The following DUSP5 variants were observed in gnomAD, a reference collection of about 807,000 sequenced individuals.
DUSP5 encodes the protein dual specificity phosphatase 5, also known as dual specificity protein phosphatase 5.
In DUSP5, 22 loss-of-function variants were observed where a neutral mutation model predicts 33.6. That is an observed-to-expected ratio of 0.66 (90% CI 0.47 to 0.94). The LOEUF (loss-of-function observed/expected upper bound fraction) is 0.94, where lower values mean the gene tolerates loss of function less well. DUSP5 is among the 40% of genes least tolerant of loss of function. DUSP5 has a pLI of 0.00. For synonymous variants in DUSP5, 270 were observed against 231.1 expected (o/e 1.17, Z -1.53); for missense variants, 551 against 522.1 (o/e 1.06, Z -0.54).
chr10:110,509,739 T>C (rs1340183934), intron 3 of DUSP5, among the ~76,000 whole-genome samples: 1 of 152,196 alleles, frequency 6.6e-6, no homozygotes, highest in Non-Finnish European at 1.5e-5. Context: ...AATCTGCAAG[T>C]ATCTTGGGAA....
chr10:110,506,815 T>C (rs1590518367), intron 2 of DUSP5, 120 bp from the exon 3 acceptor site: 1 of 1,125,318 alleles, frequency 8.9e-7, no homozygotes, highest in East Asian at 2.4e-5. Flanking sequence ...TGAACTCCAC[T>C]TGGAAACCAG....
intron 1 of DUSP5, among the ~76,000 whole-genome samples, chr10:110,502,336 T>C (rs987100668): frequency 6.6e-6 from 1 of 152,222 alleles, no homozygotes; most frequent in Non-Finnish European, 1.5e-5. Context: ...GCCTGTCTTC[T>C]CGCCAATTAA....
In DUSP5 at chr10:110,510,586, C is replaced by T. The variant is rs1296893537; in HGVS notation, c.*160C>T. ...ACCAGGCTTGCAAATGAACTTCAGA[C>T]GGACCTCAGGGTAGGTTCTCGGGAC... On this transcript the variant is annotated 3_prime_UTR_variant, in exon 4 of 4. Coordinates refer to ENST00000369583, the MANE Select transcript of DUSP5 (RefSeq NM_004419.4). 3.8e-6 allele frequency: 4 copies of T among 1,057,754 alleles called. No homozygotes were observed. Among genetic ancestry groups the T allele is most frequent in the Non-Finnish European group, 5.3e-6 (4 of 759,402 alleles). The allele number at this position is 1,057,754 out of a possible 1,614,324, so 65.5% of individuals were successfully genotyped here. A position where few individuals can be genotyped will look rare whatever the true frequency, so the allele number is the denominator to read the frequency against.
intron 1 of DUSP5, among the ~76,000 whole-genome samples, chr10:110,499,219 G>T (rs1369992259): frequency 6.6e-6 from 1 of 152,124 alleles, no homozygotes; most frequent in African/African-American, 2.4e-5. Flanking sequence ...GTGGTATGGA[G>T]ATTCTGCGGC....
intron 1 of DUSP5, among the ~76,000 whole-genome samples, chr10:110,499,660 C>T (rs1860016314): frequency 6.6e-6 from 1 of 152,200 alleles, no homozygotes; most frequent in Non-Finnish European, 1.5e-5. Context: ...TGACTGGTCC[C>T]CTGTTGATTT....
chr10:110,502,740 C>T lies in DUSP5; in HGVS notation c.399C>T (p.Tyr133=), dbSNP rs776643736. The part of the protein sequence containing the change: ...YFLKGGYETF[Y]SEYPECCVDV... ...TTGTAGGGGGATATGAGACTTTCTA[C>T]TCGGAATATCCTGAGTGTTGCGTGG... is the stretch of plus-strand genomic sequence containing the variant. The change falls in exon 2 of 4, where the codon TAC becomes TAT. Residue 133 remains tyrosine, a synonymous_variant. Coordinates refer to ENST00000369583, the MANE Select transcript of DUSP5 (RefSeq NM_004419.4). The T allele has an allele frequency of 6.2e-7, 1 of 1,613,940 alleles. No homozygotes were observed. Among genetic ancestry groups the T allele is most frequent in the South Asian group, 1.1e-5 (1 of 91,052 alleles).
rs971471118 is a variant in DUSP5, at chr10:110,498,406, C to G, written c.285C>G (p.His95Gln). ...TGGTGCTGGACCAGGGCAGCCGCCA[C>G]TGGCAGAAGCTGCGAGAGGAGAGCG... ...AVVVLDQGSR[H>Q]WQKLREESAA... The change falls in exon 1 of 4, where the codon CAC becomes CAG. Residue 95 changes from histidine to glutamine, a missense_variant. By Grantham distance (24) the His-to-Gln change is conservative (BLOSUM62 0). Around this residue, in one of 3 missense-constraint regions of DUSP5, gnomAD observed 381 missense variants for 310.4 expected, o/e 1.23. Coordinates refer to ENST00000369583, the MANE Select transcript of DUSP5 (RefSeq NM_004419.4). The G allele has an allele frequency of 1.3e-6, 2 of 1,520,034 alleles. No homozygotes were observed. Among genetic ancestry groups the G allele is most frequent in the Admixed American group, 4.0e-5 (2 of 50,012 alleles). 94.2% of individuals were successfully genotyped at this position (1,520,034 alleles called of 1,614,324 possible). A position where few individuals can be genotyped will look rare whatever the true frequency, so the allele number is the denominator to read the frequency against.
At chr10:110,507,177 A>G (rs1251730533) in intron 3 of DUSP5, 23 bp downstream of exon 3, 2 of 1,604,476 alleles carry the variant, frequency 1.2e-6, no homozygotes, top group East Asian at 2.2e-5. Context: ...ATTCCCCTTC[A>G]GTTATTTTGG....
In DUSP5 at chr10:110,498,346, C is replaced by G. The variant is rs935640143; in HGVS notation, c.225C>G (p.Leu75=). 7.4e-7 allele frequency: 1 copy of G among 1,351,848 alleles called. No homozygotes were observed. The highest frequency in any genetic ancestry group is 9.5e-7 in the Non-Finnish European group (1 of 1,054,422). 83.7% of individuals were successfully genotyped at this position (1,351,848 alleles called of 1,614,324 possible). A position where few individuals can be genotyped will look rare whatever the true frequency, so the allele number is the denominator to read the frequency against. The part of the protein sequence containing the change: ...VLPDEAARAR[L]LQEGGGGVAA... ...CCGACGAGGCGGCGCGCGCGCGGCT[C>G]CTGCAGGAGGGCGGCGGCGGCGTCG... Residue 75 remains leucine, a synonymous_variant, in exon 1 of 4, where the codon CTC becomes CTG. Transcript: ENST00000369583.
intron 1 of DUSP5, among the ~76,000 whole-genome samples, chr10:110,502,251 T>A (rs1012333550): frequency 2.0e-5 from 3 of 152,184 alleles, no homozygotes; most frequent in Non-Finnish European, 2.9e-5. Context: ...CAGCCCCCAT[T>A]TCCTTATAAA....
intron 2 of DUSP5, among the ~76,000 whole-genome samples, chr10:110,504,090 A>G (rs1315106396): frequency 6.6e-6 from 1 of 152,206 alleles, no homozygotes; most frequent in Admixed American, 6.5e-5. Context: ...GTGGCTTTCA[A>G]GCTGTGGACA....
Position 110,498,272 on chromosome 10 carries a change from G to C in DUSP5, c.151G>C (p.Val51Leu). Residue 51 changes from valine (V) to leucine (L), a missense_variant, in exon 1 of 4, where the codon GTG (valine) becomes CTG (leucine). Physicochemically the swap from Val to Leu is conservative, Grantham distance 32. This residue lies in a region of DUSP5 where 381 missense variants were observed against 310.4 expected (regional missense o/e 1.23). Transcript: ENST00000369583. Reference protein sequence around the residue: ...GSLNVNLNSVVLRRARGGAVS... With the variant: ...GSLNVNLNSVLLRRARGGAVS... ...GCTCAACGTCAACCTCAACTCGGTGGTGCTGCGGCGGGCCCGGGGCGGCGC... is the reference window on the plus strand; with the variant it reads ...GCTCAACGTCAACCTCAACTCGGTGCTGCTGCGGCGGGCCCGGGGCGGCGC... 6.8e-7 allele frequency: 1 copy of C among 1,469,524 alleles called. No individual in the cohort carries two copies. Among genetic ancestry groups the C allele is most frequent in the Non-Finnish European group, 9.0e-7 (1 of 1,105,016 alleles). The allele number at this position is 1,469,524 out of a possible 1,614,324, so 91.0% of individuals were successfully genotyped here.
At chr10:110,499,087 G>A (rs527606364) in intron 1 of DUSP5, among the ~76,000 whole-genome samples, 161 of 152,060 alleles carry the variant, frequency 1.1e-3, no homozygotes, top group Admixed American at 1.4e-3. Flanking sequence ...GCTCAGTTTG[G>A]AGCTCACATC....
chr10:110,511,379 T>C lies in DUSP5; in HGVS notation c.*953T>C, dbSNP rs1431067444. On this transcript the variant is annotated 3_prime_UTR_variant, in exon 4 of 4. Transcript: ENST00000369583. ...TCTGGGATTTGCAGATTTTGCAACG[T>C]GGTACTACTTTTTTTTTCTTTTTGT... 3 of 152,628 alleles carry C rather than the reference T, an allele frequency of 2.0e-5. No individual in the cohort carries two copies. Among genetic ancestry groups the C allele is most frequent in the Non-Finnish European group, 4.4e-5 (3 of 68,044 alleles). The allele number at this position is 152,628 out of a possible 1,614,324, so 9.5% of individuals were successfully genotyped here.
intron 2 of DUSP5, 139 bp from the exon 3 acceptor site, chr10:110,506,796 C>T (rs1860124071): frequency 1.1e-6 from 1 of 884,782 alleles, no homozygotes; most frequent in African/African-American, 1.7e-5. Context: ...GGTTGAACTG[C>T]CCTGGCTCTG....
intron 3 of DUSP5, among the ~76,000 whole-genome samples, chr10:110,509,653 G>A (rs925809051): frequency 5.3e-5 from 8 of 152,184 alleles, no homozygotes; most frequent in African/African-American, 1.9e-4. Flanking sequence ...TGCCCTCTTG[G>A]AACCATCAGT....
intron 1 of DUSP5, among the ~76,000 whole-genome samples, chr10:110,498,812 C>T (rs1859999107): frequency 6.6e-6 from 1 of 152,070 alleles, no homozygotes; most frequent in Non-Finnish European, 1.5e-5. Context: ...GCACGAGCCC[C>T]CTTTCCAGAC....
At chr10:110,498,591 G>A in intron 1 of DUSP5, 91 bp downstream of exon 1, 1 of 1,323,390 alleles carries the variant, frequency 7.6e-7, no homozygotes, top group African/African-American at 1.5e-5. Flanking sequence ...CCTGGGACCG[G>A]GAGAGTCACC....
intron 1 of DUSP5, 39 bp downstream of exon 1, chr10:110,498,539 C>A (rs2134654613): frequency 3.6e-6 from 5 of 1,406,318 alleles, no homozygotes; most frequent in Non-Finnish European, 4.6e-6. Context: ...GCCCCTCCGG[C>A]GCCCCCGGGT....
Sources: allele counts gnomAD v4.1 joint callset (sites outside exome capture counted in the v4.1 genomes callset), GRCh38; gene constraint gnomAD v4.1.1; regional missense constraint gnomAD v4.1.1; transcripts MANE v1.5; gene names NCBI Gene and HGNC (gene_info 2026-07-23, HGNC 2026-07-21).